Variants in CSMD1 observed in about 807,000 individuals in gnomAD.
The protein encoded by CSMD1 is CUB and sushi domain-containing protein 1.
In CSMD1, 213 loss-of-function variants were observed where a neutral mutation model predicts 417.5. The observed-to-expected ratio is 0.51, with a 90% CI of 0.46 to 0.57. The LOEUF is 0.57. Among genes scored for constraint, CSMD1 ranks in the 20% least tolerant of loss-of-function variants. The pLI, the probability that CSMD1 is intolerant of heterozygous loss-of-function variation, is 0.00. For synonymous variants in CSMD1, 2,862 were observed against 1,736.8 expected (o/e 1.65, Z -16.11); for missense variants, 6,923 against 4,529.7 (o/e 1.53, Z -15.17).
At chr8:3,984,950 T>A (rs1814207052) in intron 5 of CSMD1, among the ~76,000 whole-genome samples, 4 of 151,950 alleles carry the variant, frequency 2.6e-5, no homozygotes, top group Admixed American at 6.6e-5. Context: ...AATTAACACT[T>A]TAGAATTTGG....
chr8:3,542,734 G>C (rs933298192), intron 10 of CSMD1, among the ~76,000 whole-genome samples: 1 of 152,186 alleles, frequency 6.6e-6, no homozygotes, highest in Non-Finnish European at 1.5e-5. Flanking sequence ...GTAGGTTGAG[G>C]TAAGAAGGAG....
rs151321158 is a variant in CSMD1 at position 4,243,431 on chromosome 8, C to T, written c.415+176522G>A. Reference sequence around the variant, plus strand: ...CTACTGACCACTTTGCTCCTTGTTCCCCTGTAACTGACACTCTTCCCAGAT... The same window carrying T: ...CTACTGACCACTTTGCTCCTTGTTCTCCTGTAACTGACACTCTTCCCAGAT... On this transcript the variant is annotated intron_variant, in intron 3 of 69. Transcript: ENST00000635120. 7.2e-5 allele frequency among the ~76,000 whole-genome samples: 11 copies of T among 152,184 alleles called. No individual in the cohort carries two copies. In the East Asian group the frequency reaches 1.7e-3, roughly 24 times the overall value.
chr8:3,907,157 T>C (rs570739032), intron 5 of CSMD1, among the ~76,000 whole-genome samples: 2 of 152,340 alleles, frequency 1.3e-5, no homozygotes, highest in African/African-American at 4.8e-5. Context: ...CGTTGTGTAT[T>C]ACTTTAAACG....
At chr8:4,074,371 A>T (rs1799714000) in intron 3 of CSMD1, among the ~76,000 whole-genome samples, 2 of 152,136 alleles carry the variant, frequency 1.3e-5, no homozygotes, top group African/African-American at 4.8e-5. Flanking sequence ...TCCATAAATG[A>T]TAGCAGTATT....
chr8:4,085,839 G>A (rs1332595799), intron 3 of CSMD1, among the ~76,000 whole-genome samples: 1 of 152,094 alleles, frequency 6.6e-6, no homozygotes, highest in Non-Finnish European at 1.5e-5. Context: ...AAAGTTCTGT[G>A]TCCCCAGAGT....
At chr8:4,038,300 C>CA (rs1491203806) in intron 3 of CSMD1, among the ~76,000 whole-genome samples, 11 of 151,532 alleles carry the variant, frequency 7.3e-5, no homozygotes, top group Non-Finnish European at 1.6e-4. Flanking sequence ...TTTCAAACAC[C>CA]AAAAAACGCA....
chr8:4,211,665 T>A (rs1384402097), intron 3 of CSMD1, among the ~76,000 whole-genome samples: 2 of 152,344 alleles, frequency 1.3e-5, no homozygotes, highest in East Asian at 3.9e-4. Flanking sequence ...TATGGCAGTA[T>A]CCTTAGCTGA....
At position 3,586,379 on chromosome 8, in the gene CSMD1, C is replaced by G. The variant is rs577529792; in HGVS notation, c.1098-119G>C. ...CTTGTTCAGTTAAAACAGCCTAAGA[C>G]ATTAAGCAACTCATTAGGTAGTATG... is the stretch of plus-strand genomic sequence containing the variant. On this transcript the variant is annotated intron_variant, in intron 8 of 69. Coordinates refer to ENST00000635120, the MANE Select transcript of CSMD1 (RefSeq NM_033225.6). The G allele has an allele frequency of 7.7e-6, 7 of 912,838 alleles. No homozygotes were observed. The Admixed American group carries it at 1.8e-4, about 23-fold the overall frequency. The allele number at this position is 912,838 out of a possible 1,614,324, so 56.5% of individuals were successfully genotyped here. A position where few individuals can be genotyped will look rare whatever the true frequency, so the allele number is the denominator to read the frequency against.
intron 7 of CSMD1, among the ~76,000 whole-genome samples, chr8:3,676,357 G>A (rs543773421): frequency 1.3e-5 from 2 of 152,238 alleles, no homozygotes; most frequent in South Asian, 4.1e-4. Flanking sequence ...CGCCCGCCAG[G>A]CAGGATTGTT....
At chr8:4,031,879 T>C in intron 4 of CSMD1, 26 bp downstream of exon 4, 1 of 1,574,528 alleles carries the variant, frequency 6.4e-7, no homozygotes, top group Middle Eastern at 1.9e-4. Context: ...TGGAGTCTGC[T>C]CACCAGCCCC....
At chr8:3,432,969 G>C (rs1343864627) in intron 12 of CSMD1, among the ~76,000 whole-genome samples, 1 of 152,140 alleles carries the variant, frequency 6.6e-6, no homozygotes, top group Non-Finnish European at 1.5e-5. Flanking sequence ...GTTACAGTCA[G>C]GTTCTTCCAG....
intron 8 of CSMD1, among the ~76,000 whole-genome samples, chr8:3,605,112 A>G (rs1295996482): frequency 6.6e-6 from 1 of 152,124 alleles, no homozygotes; most frequent in Non-Finnish European, 1.5e-5. Flanking sequence ...CTCCTGCCTC[A>G]GCCTCCCGAG....
At chr8:4,122,440 G>A (rs141584800) in intron 3 of CSMD1, among the ~76,000 whole-genome samples, 123 of 152,306 alleles carry the variant, frequency 8.1e-4, no homozygotes, top group Admixed American at 1.4e-3. Context: ...GACGCAGTTA[G>A]CAATAGATCC....
chr8:4,071,567 A>G (rs1426870645), intron 3 of CSMD1, among the ~76,000 whole-genome samples: 3 of 152,116 alleles, frequency 2.0e-5, no homozygotes, highest in African/African-American at 7.2e-5. Context: ...CGCTAATTCC[A>G]ACATCTGTGT....
intron 1 of CSMD1, among the ~76,000 whole-genome samples, chr8:4,913,356 A>T (rs1049236478): frequency 1.3e-5 from 2 of 152,140 alleles, no homozygotes; most frequent in Admixed American, 6.5e-5. Context: ...GTCCCTTAAA[A>T]TGTTTCTGGC....
At chr8:3,025,242 G>C (rs1809780298) in intron 51 of CSMD1, among the ~76,000 whole-genome samples, 1 of 150,964 alleles carries the variant, frequency 6.6e-6, no homozygotes, top group Non-Finnish European at 1.5e-5. Context: ...CTGATACCGT[G>C]TATTGTGTGG....
At chr8:4,461,366 G>A (rs141236275) in intron 2 of CSMD1, among the ~76,000 whole-genome samples, 1 of 151,624 alleles carries the variant, frequency 6.6e-6, no homozygotes, top group African/African-American at 2.4e-5. Context: ...AGCTAGGGCA[G>A]TGATGCAGGA....
chr8:4,691,847 T>G (rs772071222), intron 1 of CSMD1, among the ~76,000 whole-genome samples: 12 of 152,232 alleles, frequency 7.9e-5, no homozygotes, highest in Non-Finnish European at 1.5e-4. Flanking sequence ...AATGGGCCAG[T>G]GTTTTCACAC....
intron 36 of CSMD1, among the ~76,000 whole-genome samples, chr8:3,184,880 C>T (rs1821647177): frequency 1.3e-5 from 2 of 152,178 alleles, no homozygotes; most frequent in African/African-American, 2.4e-5. Context: ...TTGTGCACAC[C>T]TTTGATAGAA....
Sources: allele counts gnomAD v4.1 joint callset (sites outside exome capture counted in the v4.1 genomes callset), GRCh38; gene constraint gnomAD v4.1.1; transcripts MANE v1.5; gene names NCBI Gene and HGNC (gene_info 2026-07-23, HGNC 2026-07-21).